The following GET3 variants were observed in gnomAD, a reference collection of about 807,000 sequenced individuals.
The protein encoded by GET3 is guided entry of tail-anchored proteins factor 3, ATPase.
In GET3, 15 loss-of-function variants were observed where a neutral mutation model predicts 32.4. The observed-to-expected ratio is 0.46, with a 90% confidence interval of 0.31 to 0.71. The LOEUF (loss-of-function observed/expected upper bound fraction) is 0.71, where lower values mean the gene tolerates loss of function less well. Ranked by LOEUF, GET3 falls within the 30% of genes least tolerant of loss-of-function variation. The pLI, the probability that GET3 is intolerant of heterozygous loss-of-function variation, is 0.05. For missense variants in GET3, 333 were observed against 459.0 expected, an observed-to-expected ratio of 0.73 and a Z score of 2.51; for synonymous variants, 198 against 185.6, an observed-to-expected ratio of 1.07 and a Z score of -0.54.
Position 12,738,616 on chromosome 19 carries a change from G to T in GET3, c.267G>T (p.Lys89Asn). 1 of 1,614,190 alleles carries T rather than the reference G, an allele frequency of 6.2e-7. No homozygotes were observed. The highest frequency in any genetic ancestry group is 8.5e-7 in the Non-Finnish European group (1 of 1,180,042). The change falls in exon 2 of 7, where the codon AAG (lysine) becomes AAT (asparagine). Residue 89 changes from lysine (K) to asparagine (N), a missense_variant. Coordinates refer to ENST00000357332, the MANE Select transcript of GET3 (RefSeq NM_004317.4). Reference sequence around the variant, plus strand: ...ATGCTTTTGACCAGAAGTTCTCAAAGGTGCCTACCAAGGTCAAAGGCTATG... The same window carrying T: ...ATGCTTTTGACCAGAAGTTCTCAAATGTGCCTACCAAGGTCAAAGGCTATG... Reference protein sequence around the residue: ...ISDAFDQKFSKVPTKVKGYDN... With the variant: ...ISDAFDQKFSNVPTKVKGYDN...
intron 1 of GET3, among the ~76,000 whole-genome samples, chr19:12,738,018 T>A (rs545294018): frequency 6.6e-6 from 1 of 152,098 alleles, no homozygotes; most frequent in Non-Finnish European, 1.5e-5. Context: ...TGAACCTTGG[T>A]GTTTTATGCC....
rs1802253 is a variant in GET3 at position 12,738,629 on chromosome 19, G to A, written c.280G>A (p.Val94Ile). 6.2e-7 allele frequency: 1 copy of A among 1,614,190 alleles called. No individual in the cohort carries two copies. The highest frequency in any genetic ancestry group is 8.5e-7 in the Non-Finnish European group (1 of 1,180,044). The change falls in exon 2 of 7, where the codon GTC becomes ATC. Residue 94 changes from valine to isoleucine, a missense_variant. Physicochemically the swap from Val to Ile is conservative, Grantham distance 29 (BLOSUM62 3). Around this residue, in one of 3 missense-constraint regions of GET3, gnomAD observed 230 missense variants for 389.2 expected, o/e 0.59. Coordinates refer to ENST00000357332, the MANE Select transcript of GET3 (RefSeq NM_004317.4). ...GAAGTTCTCAAAGGTGCCTACCAAG[G>A]TCAAAGGCTATGACAACCTCTTTGC... ...DQKFSKVPTK[V>I]KGYDNLFAME...
chr19:12,737,134 T>G (rs910616244), upstream of GET3: 1 of 169,924 alleles, frequency 5.9e-6, no homozygotes, highest in Non-Finnish European at 1.3e-5. Flanking sequence ...GGGCATGGAC[T>G]GGGTGTTTGG....
At chr19:12,746,923 T>G (rs1289155285) in intron 4 of GET3, among the ~76,000 whole-genome samples, 1 of 150,262 alleles carries the variant, frequency 6.7e-6, no homozygotes, top group Non-Finnish European at 1.5e-5. Flanking sequence ...GGCAGGAGAA[T>G]CGCTTGAACC....
At position 12,747,220 on chromosome 19, in the gene GET3, G is replaced by A; in HGVS notation, c.633G>A (p.Gly211=). ...AGATGTGCAACATGCTGGGCCTGGGGGACATGAACGCAGACCAGCTGGCCT... is the reference window on the plus strand; with the variant it reads ...AGATGTGCAACATGCTGGGCCTGGGAGACATGAACGCAGACCAGCTGGCCT... The part of the protein sequence containing the change: ...ISQMCNMLGL[G]DMNADQLASK... The change falls in exon 5 of 7, where the codon GGG becomes GGA. Residue 211 remains glycine (G), a synonymous_variant. Coordinates refer to ENST00000357332, the MANE Select transcript of GET3 (RefSeq NM_004317.4). The surrounding 1 kb of genome is among the most constrained non-coding windows in gnomAD (Gnocchi z 4.0). 6.2e-7 allele frequency: 1 copy of A among 1,609,532 alleles called. No homozygotes were observed. The highest frequency in any genetic ancestry group is 8.5e-7 in the Non-Finnish European group (1 of 1,177,766).
Position 12,738,551 on chromosome 19 carries a change from G to A in GET3, c.202G>A (p.Val68Ile), listed in dbSNP as rs745629391. Residue 68 changes from valine (V) to isoleucine (I), a missense_variant, in exon 2 of 7, where the codon GTT becomes ATT. By Grantham distance (29) the Val-to-Ile change is conservative. Transcript: ENST00000357332. The stretch of plus-strand genomic sequence containing the variant: ...CCAGCTCTCCAAGGGGCGTGAGAGT[G>A]TTCTGATCATCTCCACAGACCCAGC... ...AVQLSKGRES[V>I]LIISTDPAHN... The A allele has an allele frequency of 6.2e-7, 1 of 1,614,182 alleles. No individual in the cohort carries two copies. The highest frequency in any genetic ancestry group is 8.5e-7 in the Non-Finnish European group (1 of 1,180,040).
rs1967801905 is a variant in GET3, at chr19:12,747,767, C to A, written c.915+175C>A. ...GGACTGTGGCTGGCCTGGCCTAGGT[C>A]CCTGTGACCCTGGAGAGCAGGGGGT... On this transcript the variant is annotated intron_variant, in intron 6 of 6. Coordinates refer to ENST00000357332, the MANE Select transcript of GET3 (RefSeq NM_004317.4). This position sits in a 1 kb window ranked among gnomAD's most constrained non-coding sequence, Gnocchi z 4.0. Among the ~76,000 whole-genome samples, 1 of 152,180 alleles carries A rather than the reference C, an allele frequency of 6.6e-6. No individual in the cohort carries two copies. The highest frequency in any genetic ancestry group is 2.1e-4 in the South Asian group (1 of 4,832).
At chr19:12,739,819 G>T (rs988673075) in intron 2 of GET3, among the ~76,000 whole-genome samples, 1 of 151,942 alleles carries the variant, frequency 6.6e-6, no homozygotes, top group African/African-American at 2.4e-5. Flanking sequence ...CAAGGTGGGC[G>T]GATCACTTGA....
intron 2 of GET3, among the ~76,000 whole-genome samples, chr19:12,743,225 C>T (rs753331242): frequency 1.1e-4 from 17 of 152,158 alleles, no homozygotes; most frequent in Non-Finnish European, 2.1e-4. Flanking sequence ...TACCTGTAAT[C>T]CCAGCATTTT....
Position 12,742,092 on chromosome 19 carries a change from C to T in GET3, c.310-3285C>T, listed in dbSNP as rs184009113. 1.3e-3 allele frequency among the ~76,000 whole-genome samples: 202 copies of T among 152,134 alleles called. 1 individual carries two copies. The highest frequency in any genetic ancestry group is 4.8e-3 in the African/African-American group (201 of 41,496). On this transcript the variant is annotated intron_variant, in intron 2 of 6. Coordinates refer to ENST00000357332, the MANE Select transcript of GET3 (RefSeq NM_004317.4). ...CCAGCCTGGGCAACAAAGGGAGACC[C>T]TTTCTCTACAAAAAACAAACAAAAT...
At chr19:12,741,588 G>A (rs1357836641) in intron 2 of GET3, among the ~76,000 whole-genome samples, 2 of 151,644 alleles carry the variant, frequency 1.3e-5, no homozygotes, top group African/African-American at 2.4e-5. Context: ...GTGAAACCCC[G>A]TCTCTACTAA....
At chr19:12,746,954 G>C (rs567304058) in intron 4 of GET3, among the ~76,000 whole-genome samples, 1 of 149,886 alleles carries the variant, frequency 6.7e-6, no homozygotes, top group African/African-American at 2.5e-5. Context: ...CGGTTGCAGT[G>C]AGCCAAAATC....
rs767682488 is a variant in GET3, at chr19:12,748,032, G to A, written c.975G>A (p.Val325=). 10 of 1,612,368 alleles carry A rather than the reference G, an allele frequency of 6.2e-6. No homozygotes were observed. The highest frequency in any genetic ancestry group is 1.3e-5 in the African/African-American group (1 of 75,008). The stretch of plus-strand genomic sequence containing the variant: ...AGCTGCCGCTGTTACCCCATGAGGT[G>A]CGGGGGGCAGACAAGGTCAACACCT... ...IVKLPLLPHE[V]RGADKVNTFS... is the part of the protein sequence containing the mutation. Residue 325 remains valine, a synonymous_variant, in exon 7 of 7, where the codon GTG becomes GTA. Coordinates refer to ENST00000357332, the MANE Select transcript of GET3 (RefSeq NM_004317.4).
chr19:12,737,516 G>T lies in GET3; in HGVS notation c.11G>T (p.Gly4Val). 1 of 1,558,496 alleles carries T rather than the reference G, an allele frequency of 6.4e-7. No individual in the cohort carries two copies. Among genetic ancestry groups the T allele is most frequent in the African/African-American group, 1.4e-5 (1 of 72,974 alleles). Residue 4 changes from glycine (G) to valine (V), a missense_variant, in exon 1 of 7, where the codon GGG becomes GTG. By Grantham distance (109) the Gly-to-Val change is moderately radical (BLOSUM62 -3). Transcript: ENST00000357332. MAA[G>V]VAGWGVEAEE... ...TGAGCCAGTTCCAAAATGGCGGCAG[G>T]GGTGGCCGGGTGGGGGGTTGAGGCA...
In GET3 at chr19:12,737,528, G is replaced by T. The variant is rs138730527; in HGVS notation, c.23G>T (p.Trp8Leu). 432 of 1,570,530 alleles carry T rather than the reference G, an allele frequency of 2.8e-4. No individual in the cohort carries two copies. Among genetic ancestry groups the T allele is most frequent in the South Asian group, 4.3e-4 (37 of 85,480 alleles). MAAGVAG[W>L]GVEAEEFEDA... ...AAAATGGCGGCAGGGGTGGCCGGGT[G>T]GGGGGTTGAGGCAGAGGAGTTCGAA... The change falls in exon 1 of 7, where the codon TGG becomes TTG. Residue 8 changes from tryptophan to leucine, a missense_variant. By Grantham distance (61) the Trp-to-Leu change is moderately conservative. Coordinates refer to ENST00000357332, the MANE Select transcript of GET3 (RefSeq NM_004317.4).
At position 12,745,557 on chromosome 19, in the gene GET3, C is replaced by G. The variant is rs1366790696; in HGVS notation, c.458+32C>G. 2 of 1,612,654 alleles carry G rather than the reference C, an allele frequency of 1.2e-6. No homozygotes were observed. The highest frequency in any genetic ancestry group is 2.2e-5 in the South Asian group (2 of 91,090). ...CCCAGCCAGCAGGGGTGGGGGCTGC[C>G]TGGGGAAGGGGAAGAGCGGACACAG... On this transcript the variant is annotated intron_variant, in intron 3 of 6. Coordinates refer to ENST00000357332, the MANE Select transcript of GET3 (RefSeq NM_004317.4). The surrounding 1 kb of genome is among the most constrained non-coding windows in gnomAD (Gnocchi z 5.0).
At chr19:12,738,709 C>G in intron 2 of GET3, 51 bp downstream of exon 2, 2 of 1,610,484 alleles carry the variant, frequency 1.2e-6, no homozygotes, top group Non-Finnish European at 1.7e-6. Context: ...CTCTTCCAGC[C>G]TTTCTTGTGC....
chr19:12,748,171 A>G lies in GET3; in HGVS notation c.*67A>G. The G allele has an allele frequency of 6.8e-7, 1 of 1,463,342 alleles. No individual in the cohort carries two copies. The highest frequency in any genetic ancestry group is 1.4e-5 in the South Asian group (1 of 72,330). 90.6% of individuals were successfully genotyped at this position (1,463,342 alleles called of 1,614,324 possible). On this transcript the variant is annotated 3_prime_UTR_variant, in exon 7 of 7. Coordinates refer to ENST00000357332, the MANE Select transcript of GET3 (RefSeq NM_004317.4). ...TCCACCCTCCCCACCCCCTCGGGGC[A>G]GAGTTTGCACAAAGTCCCCCCCATA...
At chr19:12,738,920 AT>A (rs1335493142) in intron 2 of GET3, among the ~76,000 whole-genome samples, 5 of 152,198 alleles carry the variant, frequency 3.3e-5, no homozygotes, top group African/African-American at 1.2e-4. Flanking sequence ...GTGGGACCTT[AT>A]GGGCCACTAA....
Sources: gnomAD v4.1 joint callset for allele counts (sites outside exome capture counted in the v4.1 genomes callset) on GRCh38, gnomAD v4.1.1 for gene constraint, gnomAD v4.1.1 regional missense constraint, Gnocchi (gnomAD v3.1) non-coding constraint, MANE v1.5 for transcripts, NCBI Gene and HGNC (gene_info 2026-07-23, HGNC 2026-07-21) for gene names.